GAS7: variants seen among roughly 807,000 people sequenced by gnomAD.
The protein encoded by GAS7 is growth arrest specific 7.
GAS7 carries 28 observed loss-of-function variants against 71.1 expected under a neutral mutation model. The observed-to-expected ratio is 0.39, with a 90% CI of 0.29 to 0.54. GAS7 has a LOEUF of 0.54. Among genes scored for constraint, GAS7 ranks in the 20% least tolerant of loss-of-function variants. GAS7 has a pLI of 0.62. For missense variants in GAS7, 436 were observed against 627.8 expected (o/e 0.69, Z 3.27); for synonymous variants, 258 against 245.8 (o/e 1.05, Z -0.46).
chr17:10,177,215 G>C (rs2074379616), intron 1 of GAS7, among the ~76,000 whole-genome samples: 1 of 152,162 alleles, frequency 6.6e-6, no homozygotes, highest in East Asian at 1.9e-4. Context: ...GCTGGATCTT[G>C]ATAAAAGATC....
chr17:10,058,622 G>C (rs150770375), intron 1 of GAS7, among the ~76,000 whole-genome samples: 2 of 152,294 alleles, frequency 1.3e-5, no homozygotes, highest in Non-Finnish European at 2.9e-5. Context: ...TCTGATACCG[G>C]TGCCATCCTC....
chr17:10,131,220 A>T (rs2073994529), intron 1 of GAS7, among the ~76,000 whole-genome samples: 1 of 152,200 alleles, frequency 6.6e-6, no homozygotes, highest in Non-Finnish European at 1.5e-5. Context: ...CTGTTTACCT[A>T]TGATTACTGA....
intron 1 of GAS7, among the ~76,000 whole-genome samples, chr17:10,186,967 T>C (rs943504113): frequency 1.3e-5 from 2 of 152,136 alleles, no homozygotes; most frequent in African/African-American, 4.8e-5. Context: ...GATGATAAAA[T>C]GCTGAAACTG....
rs1347203770 is a variant in GAS7, at chr17:10,158,968, G to A, written c.183+39240C>T. The stretch of plus-strand genomic sequence containing the variant: ...GATACTCGGGAGGCTGAGGTGAGAG[G>A]ATCATCACCTGAGCCCAGGAAGTGG... On this transcript the variant is annotated intron_variant, in intron 1 of 13. Coordinates refer to ENST00000432992, the MANE Select transcript of GAS7 (RefSeq NM_201433.2). Among the ~76,000 whole-genome samples, 13 of 148,862 alleles carry A rather than the reference G, an allele frequency of 8.7e-5. 2 individuals carry two copies. Among genetic ancestry groups the A allele is most frequent in the Admixed American group, 6.1e-4 (9 of 14,810 alleles).
rs1469108827 is a variant in GAS7 at position 9,919,973 on chromosome 17, G to GTGTC, written c.1139-269_1139-268insGACA. ...TTCAGGATGGTGGTTCTCATTTTGT[G>GTGTC]TGTGTGTGTGTGTGTGTGTGTGTGT... is the stretch of plus-strand genomic sequence containing the variant. On this transcript the variant is annotated intron_variant, in intron 11 of 13. Coordinates refer to ENST00000432992, the MANE Select transcript of GAS7 (RefSeq NM_201433.2). The surrounding 1 kb of genome is among the most constrained non-coding windows in gnomAD (Gnocchi z 5.0). Among the ~76,000 whole-genome samples the GTGTC allele has an allele frequency of 1.6e-4, 12 of 74,534 alleles. No homozygotes were observed. The highest frequency in any genetic ancestry group is 1.0e-3 in the Admixed American group (8 of 7,696). 48.9% of individuals were successfully genotyped at this position (74,534 alleles called of 152,430 possible).
rs1303558690 is a variant in GAS7, at chr17:9,959,836, A to G, written c.472-581T>C. 6.6e-6 allele frequency among the ~76,000 whole-genome samples: 1 copy of G among 151,684 alleles called. No homozygotes were observed. Among genetic ancestry groups the G allele is most frequent in the Admixed American group, 6.6e-5 (1 of 15,218 alleles). ...CTTCCAGCTTCCACTCAGTCTTTAT[A>G]TTGCCTTTTGATGTCTTCCACCGCC... is the stretch of plus-strand genomic sequence containing the variant. On this transcript the variant is annotated intron_variant, in intron 4 of 13. Transcript: ENST00000432992. This position sits in a 1 kb window ranked among gnomAD's most constrained non-coding sequence, Gnocchi z 5.0.
rs1373457730 is a variant in GAS7 at position 9,912,653 on chromosome 17, AC to A, written c.*4574del. On this transcript the variant is annotated 3_prime_UTR_variant, in exon 14 of 14. Coordinates refer to ENST00000432992, the MANE Select transcript of GAS7 (RefSeq NM_201433.2). The stretch of plus-strand genomic sequence containing the variant: ...CCCATCCCTGGATTCTTTCTGCACT[AC>A]CAAAAACCCACCACGCGCCAAAAGG... 4.3e-6 allele frequency: 1 copy of A among 232,646 alleles called. No individual in the cohort carries two copies. 14.4% of individuals were successfully genotyped at this position (232,646 alleles called of 1,614,324 possible). A position where few individuals can be genotyped will look rare whatever the true frequency, so the allele number is the denominator to read the frequency against.
chr17:9,947,667 C>A (rs1050617996), intron 5 of GAS7, among the ~76,000 whole-genome samples: 18 of 151,782 alleles, frequency 1.2e-4, no homozygotes, highest in African/African-American at 4.4e-4. Flanking sequence ...CCACTTGGAC[C>A]CGGGAGGCAG....
At chr17:10,060,305 TC>T (rs2073205767) in intron 1 of GAS7, among the ~76,000 whole-genome samples, 1 of 152,162 alleles carries the variant, frequency 6.6e-6, no homozygotes, top group Non-Finnish European at 1.5e-5. Flanking sequence ...TCTGTACCTC[TC>T]TGAGCTTCCA....
intron 4 of GAS7, among the ~76,000 whole-genome samples, chr17:9,966,779 A>T (rs2069733234): frequency 6.6e-6 from 1 of 152,150 alleles, no homozygotes; most frequent in South Asian, 2.1e-4. Flanking sequence ...GGATTGTTTG[A>T]GCCCAGCAGT....
chr17:10,010,861 T>C (rs557545654), intron 2 of GAS7, among the ~76,000 whole-genome samples: 15 of 152,342 alleles, frequency 9.8e-5, no homozygotes, highest in Admixed American at 6.5e-4. Flanking sequence ...CCATTTTAAG[T>C]TGGAGACAGC....
At chr17:9,975,641 C>A (rs1356104114) in intron 3 of GAS7, among the ~76,000 whole-genome samples, 1 of 151,942 alleles carries the variant, frequency 6.6e-6, no homozygotes, top group African/African-American at 2.4e-5. Context: ...AGCAATTCTG[C>A]CAGATGTGTA....
Position 9,946,966 on chromosome 17 carries a change from G to A in GAS7, c.543C>T (p.Phe181=). ...ENTITINCVT[F]PHPDTMPEQQ... ...GTTCCGGCATCGTGTCTGGGTGAGG[G>A]AACGTCACACAGTTTATCTGTAGGG... The change falls in exon 6 of 14, where the codon TTC becomes TTT. Residue 181 remains phenylalanine (F), a synonymous_variant. Transcript: ENST00000432992. 6.2e-7 allele frequency: 1 copy of A among 1,610,736 alleles called. No homozygotes were observed. Among genetic ancestry groups the A allele is most frequent in the Non-Finnish European group, 8.5e-7 (1 of 1,177,032 alleles).
At chr17:9,973,615 A>C (rs12952654) in intron 3 of GAS7, among the ~76,000 whole-genome samples, 1 of 151,966 alleles carries the variant, frequency 6.6e-6, no homozygotes, top group Non-Finnish European at 1.5e-5. Flanking sequence ...TTCAACACCA[A>C]ACCTTCCATG....
At chr17:10,139,186 G>A (rs2074062509) in intron 1 of GAS7, among the ~76,000 whole-genome samples, 1 of 152,156 alleles carries the variant, frequency 6.6e-6, no homozygotes, top group African/African-American at 2.4e-5. Context: ...ACTAAAGACA[G>A]GAACACAGCT....
intron 6 of GAS7, among the ~76,000 whole-genome samples, chr17:9,944,295 G>T (rs986118171): frequency 6.6e-6 from 1 of 152,210 alleles, no homozygotes; most frequent in East Asian, 1.9e-4. Flanking sequence ...AGGAACCCAG[G>T]GTCAAACACT....
Position 9,915,061 on chromosome 17 carries a change from G to T in GAS7, c.*2167C>A, listed in dbSNP as rs1274228912. On this transcript the variant is annotated 3_prime_UTR_variant, in exon 14 of 14. Transcript: ENST00000432992. ...TGAATAACAGAGGGAAGAAAGAAAG[G>T]AAGTACGTGAAGGGGGTAAAGAGAA... is the stretch of plus-strand genomic sequence containing the variant. 1.7e-5 allele frequency: 4 copies of T among 231,220 alleles called. No homozygotes were observed. The highest frequency in any genetic ancestry group is 6.6e-5 in the African/African-American group (3 of 45,204). The allele number at this position is 231,220 out of a possible 1,614,324, so 14.3% of individuals were successfully genotyped here.
At chr17:10,132,040 T>G (rs1368985030) in intron 1 of GAS7, among the ~76,000 whole-genome samples, 1 of 149,380 alleles carries the variant, frequency 6.7e-6, no homozygotes, top group African/African-American at 2.5e-5. Context: ...TATGAATACA[T>G]GTACTGACAA....
chr17:9,922,949 C>A (rs545114117), intron 11 of GAS7, among the ~76,000 whole-genome samples: 1 of 152,176 alleles, frequency 6.6e-6, no homozygotes, highest in African/African-American at 2.4e-5. Context: ...CACTCTCTTG[C>A]CCAGGCTGGA....
Sources: gnomAD v4.1 joint callset for allele counts (sites outside exome capture counted in the v4.1 genomes callset) on GRCh38, gnomAD v4.1.1 for gene constraint, Gnocchi (gnomAD v3.1) non-coding constraint, MANE v1.5 for transcripts, NCBI Gene and HGNC (gene_info 2026-07-23, HGNC 2026-07-21) for gene names.